Variants in TTC33 observed in about 807,000 individuals in gnomAD.
TTC33 encodes tetratricopeptide repeat domain 33, also known as tetratricopeptide repeat protein 33.
In TTC33, 24 loss-of-function variants were observed where a neutral mutation model predicts 29.4. The observed-to-expected ratio is 0.82, with a 90% CI of 0.59 to 1.15. The LOEUF (loss-of-function observed/expected upper bound fraction) is 1.15, where lower values mean the gene tolerates loss of function less well. Ranked by LOEUF, TTC33 falls within the 50% of genes most tolerant of loss-of-function variation. The probability of loss-of-function intolerance (pLI) is 0.00; values close to 1 mark genes in which losing one functional copy is unlikely to be tolerated. For synonymous variants in TTC33, 107 were observed against 100.3 expected (o/e 1.07, Z -0.40); for missense variants, 286 against 310.4 (o/e 0.92, Z 0.59).
chr5:40,732,231 G>A (rs1024428556), intron 2 of TTC33, among the ~76,000 whole-genome samples: 3 of 151,954 alleles, frequency 2.0e-5, no homozygotes, highest in African/African-American at 7.3e-5. Flanking sequence ...TGCTCAGGCT[G>A]GTCTCAAACT....
intron 2 of TTC33, among the ~76,000 whole-genome samples, chr5:40,742,101 T>G (rs900543470): frequency 1.3e-5 from 2 of 148,562 alleles, no homozygotes; most frequent in Admixed American, 6.7e-5. Flanking sequence ...TTGAAAACAG[T>G]TTTTTTTTTA....
chr5:40,722,851 C>T (rs1175564110), intron 4 of TTC33, among the ~76,000 whole-genome samples: 2 of 151,470 alleles, frequency 1.3e-5, no homozygotes, highest in African/African-American at 4.8e-5. Context: ...GCTGCCCCGT[C>T]CGGGAGGTGG....
chr5:40,754,543 TAG>T (rs1483799654), intron 1 of TTC33, among the ~76,000 whole-genome samples: 3 of 151,792 alleles, frequency 2.0e-5, no homozygotes, highest in African/African-American at 7.3e-5. Flanking sequence ...AAAGGAAAAA[TAG>T]AGATACCAAA....
intron 4 of TTC33, among the ~76,000 whole-genome samples, chr5:40,723,203 G>A (rs998158221): frequency 1.4e-4 from 21 of 152,100 alleles, no homozygotes; most frequent in Non-Finnish European, 1.8e-4. Context: ...GGCGGTGCAA[G>A]ATGTGCTTTG....
At chr5:40,751,899 G>A (rs1742902464) in intron 1 of TTC33, among the ~76,000 whole-genome samples, 1 of 150,650 alleles carries the variant, frequency 6.6e-6, no homozygotes, top group Non-Finnish European at 1.5e-5. Flanking sequence ...GGAGGTTGCA[G>A]TGAGCCAAGA....
chr5:40,740,086 C>T (rs976659896), intron 2 of TTC33, among the ~76,000 whole-genome samples: 2 of 151,830 alleles, frequency 1.3e-5, no homozygotes, highest in African/African-American at 4.8e-5. Context: ...TTCCATTTAT[C>T]CCTTCATGCT....
intron 2 of TTC33, among the ~76,000 whole-genome samples, chr5:40,732,978 T>C (rs1742466813): frequency 6.6e-6 from 1 of 151,852 alleles, no homozygotes; most frequent in South Asian, 2.1e-4. Context: ...GAGAGCAGCA[T>C]ATAAAGCAAG....
intron 2 of TTC33, among the ~76,000 whole-genome samples, chr5:40,735,129 C>T (rs781479734): frequency 4.1e-4 from 62 of 152,024 alleles, no homozygotes; most frequent in Non-Finnish European, 5.4e-4. Context: ...GGAGGTGGGC[C>T]GAAGCCATGA....
In TTC33 at chr5:40,714,769, T is replaced by TA. The variant is rs1192775927; in HGVS notation, c.*1375dup. Reference sequence around the variant, plus strand: ...ATGCATTCCAATAAAACAAAAGTTTTAAAAACCATCTTCATAAAAAATGTA... The same window carrying TA: ...ATGCATTCCAATAAAACAAAAGTTTTAAAAAACCATCTTCATAAAAAATGTA... On this transcript the variant is annotated 3_prime_UTR_variant, in exon 5 of 5. Transcript: ENST00000337702. 3 of 152,340 alleles carry TA rather than the reference T, an allele frequency of 2.0e-5. No homozygotes were observed. The highest frequency in any genetic ancestry group is 3.4e-3 in the Middle Eastern group (1 of 290). 9.4% of individuals were successfully genotyped at this position (152,340 alleles called of 1,614,324 possible). A position where few individuals can be genotyped will look rare whatever the true frequency, so the allele number is the denominator to read the frequency against.
chr5:40,730,157 G>T, intron 3 of TTC33, 105 bp downstream of exon 3: 1 of 844,388 alleles, frequency 1.2e-6, no homozygotes, highest in Non-Finnish European at 1.8e-6. Flanking sequence ...AACCGTATTT[G>T]TAAAAGAAAA....
intron 1 of TTC33, among the ~76,000 whole-genome samples, chr5:40,748,468 T>G (rs1387077860): frequency 6.6e-6 from 1 of 152,230 alleles, no homozygotes; most frequent in Admixed American, 6.5e-5. Flanking sequence ...ATTGCTGGGA[T>G]TACAGGCGTG....
At chr5:40,748,244 T>G (rs1217331601) in intron 1 of TTC33, among the ~76,000 whole-genome samples, 3 of 151,920 alleles carry the variant, frequency 2.0e-5, no homozygotes, top group Non-Finnish European at 4.4e-5. Flanking sequence ...TTTCCCCAGC[T>G]GGAGTGCAAT....
At position 40,752,320 on chromosome 5, in the gene TTC33, C is replaced by A. The variant is rs980915086; in HGVS notation, c.-2+3504G>T. Among the ~76,000 whole-genome samples, 15 of 152,240 alleles carry A rather than the reference C, an allele frequency of 9.9e-5. 1 individual carries two copies. The highest frequency in any genetic ancestry group is 9.2e-4 in the Admixed American group (14 of 15,286). On this transcript the variant is annotated intron_variant, in intron 1 of 4. Coordinates refer to ENST00000337702, the MANE Select transcript of TTC33 (RefSeq NM_012382.3). ...CATTTGTGTGTTTACTGAAGTAGCA[C>A]TTTCAATTTCATTGAAGAACTTTTC...
At position 40,738,490 on chromosome 5, in the gene TTC33, AATAC is replaced by A. The variant is rs1288904618; in HGVS notation, c.222-8151_222-8148del. The stretch of plus-strand genomic sequence containing the variant: ...AATACAATACAATACAATACAATAC[AATAC>A]AATACAATACAATAAAATACAATAA... On this transcript the variant is annotated intron_variant, in intron 2 of 4. Transcript: ENST00000337702. 7.7e-3 allele frequency among the ~76,000 whole-genome samples: 1,054 copies of A among 136,546 alleles called. 13 individuals carry two copies. Among genetic ancestry groups the A allele is most frequent in the African/African-American group, 0.022 (776 of 35,642 alleles). The allele number at this position is 136,546 out of a possible 152,430, so 89.6% of individuals were successfully genotyped here. A position where few individuals can be genotyped will look rare whatever the true frequency, so the allele number is the denominator to read the frequency against.
intron 2 of TTC33, among the ~76,000 whole-genome samples, chr5:40,736,848 A>G (rs1156408249): frequency 6.6e-6 from 1 of 151,832 alleles, no homozygotes; most frequent in Non-Finnish European, 1.5e-5. Context: ...ATTTGAATGG[A>G]GGTAATCTGA....
At chr5:40,739,825 G>C (rs1742656004) in intron 2 of TTC33, among the ~76,000 whole-genome samples, 1 of 151,962 alleles carries the variant, frequency 6.6e-6, no homozygotes, top group Non-Finnish European at 1.5e-5. Context: ...GATTTATTTA[G>C]GTCTTTTAAC....
At chr5:40,740,610 G>A (rs770355620) in intron 2 of TTC33, among the ~76,000 whole-genome samples, 5 of 152,094 alleles carry the variant, frequency 3.3e-5, no homozygotes, top group African/African-American at 4.8e-5. Flanking sequence ...GCTCATTCCC[G>A]AGGGGCATGG....
At chr5:40,746,345 T>A (rs1186105119) in intron 2 of TTC33, among the ~76,000 whole-genome samples, 1 of 152,192 alleles carries the variant, frequency 6.6e-6, no homozygotes, top group Non-Finnish European at 1.5e-5. Flanking sequence ...TTTACTTAAG[T>A]ATATAAGAAG....
chr5:40,751,595 A>G (rs1742895001), intron 1 of TTC33, among the ~76,000 whole-genome samples: 1 of 152,224 alleles, frequency 6.6e-6, no homozygotes, highest in African/African-American at 2.4e-5. Flanking sequence ...AAAGCCAAGC[A>G]TTGACTTCTC....
Sources: allele counts gnomAD v4.1 joint callset (sites outside exome capture counted in the v4.1 genomes callset), GRCh38; gene constraint gnomAD v4.1.1; transcripts MANE v1.5; gene names NCBI Gene and HGNC (gene_info 2026-07-23, HGNC 2026-07-21).